CACNA2D2: variants seen among roughly 807,000 people sequenced by gnomAD.
CACNA2D2 encodes the protein voltage-dependent calcium channel subunit alpha-2/delta-2.
Under a neutral mutation model 166.4 loss-of-function variants are expected in CACNA2D2, and 48 were observed. The ratio of observed to expected loss-of-function variants is 0.29; its 90% CI spans 0.23 to 0.37. The LOEUF is 0.37. Ranked by LOEUF, CACNA2D2 falls within the 10% of genes least tolerant of loss-of-function variation. The pLI is 1.00. For missense variants in CACNA2D2, 1,122 were observed against 1,433.0 expected, an observed-to-expected ratio of 0.78 and a Z score of 3.50; for synonymous variants, 561 against 573.7, an observed-to-expected ratio of 0.98 and a Z score of 0.32.
chr3:50,436,016 C>A lies in CACNA2D2; in HGVS notation c.289-1587G>T, dbSNP rs115066323. Among the ~76,000 whole-genome samples, 283 of 152,224 alleles carry A rather than the reference C, an allele frequency of 1.9e-3. 1 individual carries two copies. Among genetic ancestry groups the A allele is most frequent in the African/African-American group, 6.1e-3 (254 of 41,532 alleles). On this transcript the variant is annotated intron_variant, in intron 2 of 37. Coordinates refer to ENST00000424201, the MANE Select transcript of CACNA2D2 (RefSeq NM_006030.4). ...AGACACAGGGTGAGGAGGGGTCAGA[C>A]CCTGAGGATCACTGAGGAAAGGCAG...
At chr3:50,452,217 G>A (rs1029546702) in intron 2 of CACNA2D2, among the ~76,000 whole-genome samples, 1 of 152,226 alleles carries the variant, frequency 6.6e-6, no homozygotes, top group Non-Finnish European at 1.5e-5. Context: ...GGCTGTCTGT[G>A]GAATTGGCTC....
intron 2 of CACNA2D2, among the ~76,000 whole-genome samples, chr3:50,438,917 C>T (rs973196152): frequency 3.3e-5 from 5 of 152,200 alleles, no homozygotes; most frequent in Admixed American, 2.6e-4. Context: ...AGTGTTAGCT[C>T]TGGCTGCTCT....
At chr3:50,458,889 A>T (rs558169357) in intron 2 of CACNA2D2, among the ~76,000 whole-genome samples, 17 of 152,358 alleles carry the variant, frequency 1.1e-4, no homozygotes, top group Middle Eastern at 3.4e-3. Flanking sequence ...GAACCTGCTC[A>T]GTCAGGCCTG....
At chr3:50,414,750 T>G (rs549401173) in intron 3 of CACNA2D2, among the ~76,000 whole-genome samples, 1 of 152,332 alleles carries the variant, frequency 6.6e-6, no homozygotes, top group South Asian at 2.1e-4. Flanking sequence ...AAGAGCGAGC[T>G]CCTATGAAAT....
chr3:50,365,468 CG>C lies in CACNA2D2; in HGVS notation c.2985del (p.Glu996ArgfsTer13). 6.2e-7 allele frequency: 1 copy of C among 1,613,356 alleles called. No individual in the cohort carries two copies. Among genetic ancestry groups the C allele is most frequent in the Non-Finnish European group, 8.5e-7 (1 of 1,179,866 alleles). On this transcript the variant is annotated frameshift_variant, in exon 35 of 38. Coordinates refer to ENST00000424201, the MANE Select transcript of CACNA2D2 (RefSeq NM_006030.4). LOFTEE classifies it high-confidence loss of function. This position sits in a 1 kb window ranked among gnomAD's most constrained non-coding sequence, Gnocchi z 4.5. ...CTCTCGCGCGTCTCGGGGCTCCCCT[CG>C]GCCTCCGCGGGGTCTGCGAGGGCCC... ...HSWFQADPAE[A>X]EGSPETRESS...
At chr3:50,464,927 G>A (rs1178259446) in intron 2 of CACNA2D2, among the ~76,000 whole-genome samples, 5 of 152,258 alleles carry the variant, frequency 3.3e-5, no homozygotes, top group African/African-American at 1.2e-4. Flanking sequence ...CTGCCAAGAA[G>A]GGCCCAGAAA....
At chr3:50,489,497 AT>A (rs1698431795) in intron 1 of CACNA2D2, among the ~76,000 whole-genome samples, 1 of 152,170 alleles carries the variant, frequency 6.6e-6, no homozygotes, top group Admixed American at 6.5e-5. Flanking sequence ...AGGCAGGGCC[AT>A]AGTCATGAGG....
intron 1 of CACNA2D2, among the ~76,000 whole-genome samples, chr3:50,486,486 A>G (rs1021530423): frequency 6.6e-6 from 1 of 152,068 alleles, no homozygotes; most frequent in Non-Finnish European, 1.5e-5. Context: ...CCTGCCTTGA[A>G]GAAGACAGAG....
intron 2 of CACNA2D2, among the ~76,000 whole-genome samples, chr3:50,440,184 A>G (rs1575689287): frequency 6.6e-6 from 1 of 152,164 alleles, no homozygotes; most frequent in Non-Finnish European, 1.5e-5. Flanking sequence ...CTGGGGACAC[A>G]CCAGCCACGA....
chr3:50,402,697 G>A (rs550375920), intron 3 of CACNA2D2, among the ~76,000 whole-genome samples: 1 of 152,284 alleles, frequency 6.6e-6, no homozygotes, highest in South Asian at 2.1e-4. Context: ...CAACCTAGCT[G>A]GCACCCCAGC....
At chr3:50,402,390 G>A (rs879286333) in intron 3 of CACNA2D2, among the ~76,000 whole-genome samples, 25 of 152,194 alleles carry the variant, frequency 1.6e-4, no homozygotes, top group Admixed American at 4.6e-4. Flanking sequence ...ACAACCACGT[G>A]CTGCAGGAAA....
intron 22 of CACNA2D2, among the ~76,000 whole-genome samples, chr3:50,371,732 G>C (rs1704663930): frequency 6.6e-6 from 1 of 152,088 alleles, no homozygotes; most frequent in Non-Finnish European, 1.5e-5. Flanking sequence ...GGCAGGGTTT[G>C]GACACAAGCC....
chr3:50,467,437 G>A (rs1204014679), intron 2 of CACNA2D2, among the ~76,000 whole-genome samples: 3 of 152,222 alleles, frequency 2.0e-5, no homozygotes, highest in Non-Finnish European at 4.4e-5. Flanking sequence ...GCCGGGATCT[G>A]TCCCTTTTCA....
chr3:50,387,356 C>A (rs903254775), intron 5 of CACNA2D2, among the ~76,000 whole-genome samples: 1 of 152,218 alleles, frequency 6.6e-6, no homozygotes, highest in African/African-American at 2.4e-5. Context: ...CTGCCTCACA[C>A]TGCAGTCAAG....
At chr3:50,495,595 G>A (rs994251510) in intron 1 of CACNA2D2, among the ~76,000 whole-genome samples, 2 of 152,340 alleles carry the variant, frequency 1.3e-5, no homozygotes, top group East Asian at 3.9e-4. Context: ...CATCCCTCCA[G>A]ATCATCAAGG....
rs889878810 is a variant in CACNA2D2 at position 50,379,776 on chromosome 3, G to A, written c.942C>T (p.Val314=). 1.2e-5 allele frequency: 20 copies of A among 1,613,960 alleles called. 1 individual carries two copies. The Middle Eastern group carries it at 3.0e-3, about 240-fold the overall frequency. ...GLTLKLMKTS[V]CEMLDTLSDD... ...CAGACAGCGTGTCCAGCATCTCGCA[G>A]ACAGATGTCTTCATCAGCTTCAGGG... Residue 314 remains valine (V), a synonymous_variant, in exon 10 of 38, where the codon GTC becomes GTT. Coordinates refer to ENST00000424201, the MANE Select transcript of CACNA2D2 (RefSeq NM_006030.4). This position sits in a 1 kb window ranked among gnomAD's most constrained non-coding sequence, Gnocchi z 6.5.
intron 1 of CACNA2D2, among the ~76,000 whole-genome samples, chr3:50,497,726 G>A (rs894567414): frequency 2.0e-5 from 3 of 152,168 alleles, no homozygotes; most frequent in African/African-American, 7.2e-5. Context: ...CAAGCCAGCA[G>A]GGCCATCTCA....
In CACNA2D2 at chr3:50,363,582, G is replaced by A; in HGVS notation, c.*1084C>T. 3.4e-6 allele frequency: 1 copy of A among 290,728 alleles called. No homozygotes were observed. Among genetic ancestry groups the A allele is most frequent in the East Asian group, 6.1e-5 (1 of 16,304 alleles). The allele number at this position is 290,728 out of a possible 1,614,324, so 18.0% of individuals were successfully genotyped here. ...ATAGGGAGTGGGCACAGGCCTGAGT[G>A]TGTAAGGGCCAGATTGGCGGAAGGA... On this transcript the variant is annotated 3_prime_UTR_variant, in exon 38 of 38. Coordinates refer to ENST00000424201, the MANE Select transcript of CACNA2D2 (RefSeq NM_006030.4).
chr3:50,481,479 G>A (rs893632389), intron 1 of CACNA2D2, among the ~76,000 whole-genome samples: 2 of 152,122 alleles, frequency 1.3e-5, no homozygotes, highest in African/African-American at 4.8e-5. Flanking sequence ...AGGGAGTGAG[G>A]GGTGGATACT....
Sources: allele counts gnomAD v4.1 joint callset (sites outside exome capture counted in the v4.1 genomes callset), GRCh38; gene constraint gnomAD v4.1.1; non-coding constraint Gnocchi (gnomAD v3.1); transcripts MANE v1.5; gene names NCBI Gene and HGNC (gene_info 2026-07-23, HGNC 2026-07-21).